MAK: variants seen among roughly 807,000 people sequenced by gnomAD.
MAK encodes serine/threonine-protein kinase MAK.
Under a neutral mutation model 82.6 loss-of-function variants are expected in MAK, and 65 were observed. The ratio of observed to expected loss-of-function variants is 0.79; its 90% CI spans 0.64 to 0.97. The LOEUF (loss-of-function observed/expected upper bound fraction) is 0.97. Among genes scored for constraint, MAK ranks in the 50% least tolerant of loss-of-function variants. MAK has a pLI of 0.00. For synonymous variants in MAK, 250 were observed against 274.2 expected, an observed-to-expected ratio of 0.91 and a Z score of 0.87; for missense variants, 703 against 780.2, an observed-to-expected ratio of 0.90 and a Z score of 1.18.
At chr6:10,777,410 A>C (rs191029650) in intron 11 of MAK, among the ~76,000 whole-genome samples, 7 of 10,850 alleles carry the variant, frequency 6.5e-4, no homozygotes, top group Admixed American at 3.7e-3. Context: ...GACTGTCACA[A>C]AAAAAAAAAA....
rs1482551312 is a variant in MAK, at chr6:10,764,521, G to A, written c.1878C>T (p.Asn626=). ...GCACTGAGGGAATGGGCTGTGCACG[G>A]TTCACAATATTTAGGTTTTTTGCTG... ...NPTAKNLNIV[N]RAQPIPSVHG... is the part of the protein sequence containing the mutation. Residue 626 remains asparagine, a synonymous_variant, in exon 15 of 15, where the codon AAC becomes AAT. Transcript: ENST00000354489. 1 of 1,614,038 alleles carries A rather than the reference G, an allele frequency of 6.2e-7. No homozygotes were observed. The highest frequency in any genetic ancestry group is 2.2e-5 in the East Asian group (1 of 44,878).
chr6:10,827,993 C>T (rs1778508471), intron 2 of MAK, among the ~76,000 whole-genome samples: 1 of 152,098 alleles, frequency 6.6e-6, no homozygotes, highest in Admixed American at 6.6e-5. Flanking sequence ...GAGGCTTTAT[C>T]ATAAGTTTTT....
chr6:10,787,400 A>T (rs1376033146), intron 10 of MAK, among the ~76,000 whole-genome samples: 26 of 152,250 alleles, frequency 1.7e-4, no homozygotes, highest in Admixed American at 1.7e-3. Context: ...CAGCCTATCC[A>T]AGTCTCAGCA....
At chr6:10,810,411 C>G (rs979447340) in intron 5 of MAK, among the ~76,000 whole-genome samples, 1 of 141,810 alleles carries the variant, frequency 7.1e-6, no homozygotes, top group Non-Finnish European at 1.5e-5. Context: ...GCAATCTGGG[C>G]TCATTGCAAC....
At position 10,800,254 on chromosome 6, in the gene MAK, T is replaced by TC. The variant is rs1324671707; in HGVS notation, c.831+1637dup. Among the ~76,000 whole-genome samples, 2 of 150,946 alleles carry TC rather than the reference T, an allele frequency of 1.3e-5. No homozygotes were observed. The highest frequency in any genetic ancestry group is 3.9e-4 in the East Asian group (2 of 5,110). ...ACACTCCAGCCTGGGCAACAGAAAC[T>TC]CCATCTCAAAAAAAAAAGAAAATAC... On this transcript the variant is annotated intron_variant, in intron 8 of 14. Transcript: ENST00000354489. This position sits in a 1 kb window ranked among gnomAD's most constrained non-coding sequence, Gnocchi z 4.2.
chr6:10,777,034 T>G, intron 11 of MAK, among the ~76,000 whole-genome samples: 1 of 147,230 alleles, frequency 6.8e-6, no homozygotes. Context: ...GGCAACAGAG[T>G]GAGACTCCAT....
intron 2 of MAK, among the ~76,000 whole-genome samples, chr6:10,826,113 CCA>C (rs904410270): frequency 1.3e-5 from 2 of 152,142 alleles, no homozygotes; most frequent in Non-Finnish European, 2.9e-5. Context: ...CTCCTCTGCC[CCA>C]CTCGTAATCC....
chr6:10,811,097 C>T (rs1486920749), intron 5 of MAK, among the ~76,000 whole-genome samples: 2 of 152,210 alleles, frequency 1.3e-5, no homozygotes, highest in Admixed American at 1.3e-4. Flanking sequence ...CTCCCGGGTT[C>T]AAGCAATTCT....
chr6:10,803,282 A>G (rs1776154379), intron 7 of MAK, among the ~76,000 whole-genome samples: 1 of 152,212 alleles, frequency 6.6e-6, no homozygotes, highest in Non-Finnish European at 1.5e-5. Flanking sequence ...CACACCAAGT[A>G]ATCCCAGCAC....
chr6:10,837,557 A>C (rs1256092288), intron 1 of MAK, among the ~76,000 whole-genome samples: 1 of 152,160 alleles, frequency 6.6e-6, no homozygotes, highest in Non-Finnish European at 1.5e-5. Context: ...TTTCACCATT[A>C]TTTCACTTAA....
chr6:10,809,405 G>C (rs1776749029), intron 5 of MAK, among the ~76,000 whole-genome samples: 1 of 152,192 alleles, frequency 6.6e-6, no homozygotes, highest in Non-Finnish European at 1.5e-5. Flanking sequence ...GTCCAGGCCA[G>C]AGCGTAGTGG....
chr6:10,808,197 T>G (rs1241548794), intron 6 of MAK, among the ~76,000 whole-genome samples: 1 of 152,186 alleles, frequency 6.6e-6, no homozygotes, highest in African/African-American at 2.4e-5. Flanking sequence ...AGTTTTCTCT[T>G]TTTTTGTACT....
At chr6:10,834,471 T>C (rs1246587200) in intron 1 of MAK, among the ~76,000 whole-genome samples, 1 of 152,196 alleles carries the variant, frequency 6.6e-6, no homozygotes, top group Non-Finnish European at 1.5e-5. Flanking sequence ...CAGCTCTTAC[T>C]ATCCCTAATG....
At chr6:10,777,186 C>A (rs1169053006) in intron 11 of MAK, among the ~76,000 whole-genome samples, 1 of 151,976 alleles carries the variant, frequency 6.6e-6, no homozygotes, top group Non-Finnish European at 1.5e-5. Flanking sequence ...GGAGGTGGAT[C>A]ACCTGAGGTC....
rs1232222351 is a variant in MAK at position 10,787,317 on chromosome 6, A to G, written c.1317-2745T>C. Among the ~76,000 whole-genome samples, 3 of 152,272 alleles carry G rather than the reference A, an allele frequency of 2.0e-5. No individual in the cohort carries two copies. In the East Asian group the frequency reaches 5.8e-4, roughly 29 times the overall value. On this transcript the variant is annotated intron_variant, in intron 10 of 14. Transcript: ENST00000354489. The stretch of plus-strand genomic sequence containing the variant: ...TCACCAATTCAGCTCCTATTGCTAA[A>G]GAAGCAGTGTGGGGTAGAAGAGAGA...
At chr6:10,818,300 G>A (rs2127577053) in intron 3 of MAK, among the ~76,000 whole-genome samples, 1 of 152,288 alleles carries the variant, frequency 6.6e-6, no homozygotes, top group South Asian at 2.1e-4. Flanking sequence ...CTAAGGAAAT[G>A]GTATGTAGTA....
In MAK at chr6:10,764,574, GC is replaced by G; in HGVS notation, c.1824del (p.Gln609SerfsTer14). On this transcript the variant is annotated frameshift_variant, in exon 15 of 15. Transcript: ENST00000354489. LOFTEE classifies it high-confidence loss of function. ...GGATTATAAGTACGTCCTGAAAACT[GC>G]CCCCGACCAGTTTTTGTGTTCCAGG... ...EYTWNTKTGR[G>X]QFSGRTYNPT... 1 of 1,613,882 alleles carries G rather than the reference GC, an allele frequency of 6.2e-7. No individual in the cohort carries two copies. Among genetic ancestry groups the G allele is most frequent in the East Asian group, 2.2e-5 (1 of 44,874 alleles).
intron 11 of MAK, among the ~76,000 whole-genome samples, chr6:10,781,643 C>G (rs926820301): frequency 6.6e-6 from 1 of 151,974 alleles, no homozygotes; most frequent in East Asian, 1.9e-4. Context: ...AGGCTAGTCT[C>G]GAACTCCTGA....
chr6:10,831,482 T>C (rs1396242027), intron 1 of MAK, among the ~76,000 whole-genome samples: 1 of 152,204 alleles, frequency 6.6e-6, no homozygotes, highest in South Asian at 2.1e-4. Flanking sequence ...CCGGGCGTGG[T>C]GGCTGATGCC....
Sources: gnomAD v4.1 joint callset for allele counts (sites outside exome capture counted in the v4.1 genomes callset) on GRCh38, gnomAD v4.1.1 for gene constraint, Gnocchi (gnomAD v3.1) non-coding constraint, MANE v1.5 for transcripts, NCBI Gene and HGNC (gene_info 2026-07-23, HGNC 2026-07-21) for gene names.